MEIS2: variants seen among roughly 807,000 people sequenced by gnomAD.
The protein encoded by MEIS2 is homeobox protein Meis2.
In MEIS2, 9 loss-of-function variants were observed where a neutral mutation model predicts 58.6. The ratio of observed to expected loss-of-function variants is 0.15; its 90% CI spans 0.09 to 0.27. MEIS2 has a LOEUF of 0.27. Among genes scored for constraint, MEIS2 ranks in the 10% least tolerant of loss-of-function variants. MEIS2 has a pLI of 1.00. For synonymous variants in MEIS2, 221 were observed against 228.4 expected (o/e 0.97, Z 0.29); for missense variants, 427 against 635.0 (o/e 0.67, Z 3.52).
intron 7 of MEIS2, among the ~76,000 whole-genome samples, chr15:37,072,502 T>G (rs974057510): frequency 7.9e-5 from 12 of 152,250 alleles, no homozygotes; most frequent in Non-Finnish European, 1.5e-5. Context: ...AGCCTCTTTT[T>G]TTTCACCATG....
Position 36,976,371 on chromosome 15 carries a change from A to T in MEIS2, c.901-25971T>A, listed in dbSNP as rs543162037. The stretch of plus-strand genomic sequence containing the variant: ...AGTGCTGGGATTACAGGCGTGAGCC[A>T]CCGCGCCTGGCCTATAAAGAGATTT... On this transcript the variant is annotated intron_variant, in intron 8 of 11. Transcript: ENST00000561208. Among the ~76,000 whole-genome samples the T allele has an allele frequency of 1.6e-4, 25 of 152,046 alleles. No homozygotes were observed. The South Asian group carries it at 4.4e-3, about 26-fold the overall frequency.
rs2059509772 is a variant in MEIS2 at position 36,970,410 on chromosome 15, A to AT, written c.901-20011_901-20010insA. Among the ~76,000 whole-genome samples, 6 of 152,054 alleles carry AT rather than the reference A, an allele frequency of 3.9e-5. No homozygotes were observed. The South Asian group carries it at 1.2e-3, about 32-fold the overall frequency. ...CAGAGCAAGACTCCGTCTCAAAAAA[A>AT]AAAAAAAGTGCAAACATTTGTGTGT... On this transcript the variant is annotated intron_variant, in intron 8 of 11. Coordinates refer to ENST00000561208, the MANE Select transcript of MEIS2 (RefSeq NM_170675.5).
At chr15:37,098,425 A>G in intron 1 of MEIS2, 1 of 1,176,882 alleles carries the variant, frequency 8.5e-7, no homozygotes, top group South Asian at 3.6e-5. Flanking sequence ...AGAGAGAGAG[A>G]AAATAAAAAT....
chr15:36,914,672 TG>T (rs1415945091), intron 9 of MEIS2, among the ~76,000 whole-genome samples: 4 of 152,156 alleles, frequency 2.6e-5, no homozygotes, highest in African/African-American at 4.8e-5. Context: ...CTCTGGCTGA[TG>T]GGAATAGAAA....
At chr15:36,915,463 GTTTTATA>G (rs2141279591) in intron 9 of MEIS2, among the ~76,000 whole-genome samples, 1 of 152,258 alleles carries the variant, frequency 6.6e-6, no homozygotes, top group Admixed American at 6.5e-5. Flanking sequence ...ACTGATTTAT[GTTTTATA>G]TTTTGAAGGA....
At chr15:37,078,605 C>A (rs1376286375) in intron 7 of MEIS2, among the ~76,000 whole-genome samples, 22 of 69,384 alleles carry the variant, frequency 3.2e-4, no homozygotes, top group African/African-American at 1.1e-3. Flanking sequence ...AAAAAACAAC[C>A]AAAAAAAAAA....
At chr15:36,915,566 G>A (rs1318532888) in intron 9 of MEIS2, among the ~76,000 whole-genome samples, 2 of 152,238 alleles carry the variant, frequency 1.3e-5, no homozygotes, top group South Asian at 4.2e-4. Flanking sequence ...GCCTTGCCCT[G>A]CCCACCTATA....
chr15:37,000,362 G>T (rs1200877501), intron 8 of MEIS2, among the ~76,000 whole-genome samples: 1 of 151,988 alleles, frequency 6.6e-6, no homozygotes, highest in African/African-American at 2.4e-5. Flanking sequence ...AGGACTGGAG[G>T]TCTCTTTACC....
chr15:37,014,726 C>T (rs901002122), intron 8 of MEIS2, among the ~76,000 whole-genome samples: 23 of 152,232 alleles, frequency 1.5e-4, no homozygotes, highest in African/African-American at 5.3e-4. Flanking sequence ...CTTCAATTAT[C>T]GTCTCCAACT....
intron 8 of MEIS2, among the ~76,000 whole-genome samples, chr15:37,007,545 C>G (rs1227670018): frequency 6.6e-6 from 1 of 152,168 alleles, no homozygotes; most frequent in East Asian, 1.9e-4. Flanking sequence ...GGGGACATGA[C>G]TGAACCACTG....
chr15:37,099,615 GA>G lies in MEIS2; in HGVS notation c.-150del, dbSNP rs1054640467. 118 of 1,131,852 alleles carry G rather than the reference GA, an allele frequency of 1.0e-4. No individual in the cohort carries two copies. The highest frequency in any genetic ancestry group is 1.8e-4 in the South Asian group (10 of 55,374). 70.1% of individuals were successfully genotyped at this position (1,131,852 alleles called of 1,614,324 possible). On this transcript the variant is annotated 5_prime_UTR_variant, in exon 1 of 12. Coordinates refer to ENST00000561208, the MANE Select transcript of MEIS2 (RefSeq NM_170675.5). The stretch of plus-strand genomic sequence containing the variant: ...CTCCAATATGCTATTTTTTAGGGGG[GA>G]AAAAAAGCCCAGTCTAGACAACGAA...
At chr15:36,962,570 C>CT (rs202210329) in intron 8 of MEIS2, among the ~76,000 whole-genome samples, 2 of 151,206 alleles carry the variant, frequency 1.3e-5, no homozygotes, top group Admixed American at 6.6e-5. Context: ...TTTTTGTTGT[C>CT]TTTTTTTTCA....
chr15:37,049,535 G>A lies in MEIS2; in HGVS notation c.755-12576C>T, dbSNP rs371447636. ...AGAGTCTCACTCTGTCTCCCAGGCC[G>A]GAGTGTAGTGGCTCAATCTCGGCTC... On this transcript the variant is annotated intron_variant, in intron 7 of 11. Transcript: ENST00000561208. 2.8e-4 allele frequency among the ~76,000 whole-genome samples: 42 copies of A among 151,632 alleles called. No individual in the cohort carries two copies. The South Asian group carries it at 6.5e-3, about 23-fold the overall frequency.
intron 8 of MEIS2, among the ~76,000 whole-genome samples, chr15:37,007,538 G>C (rs1567173681): frequency 6.6e-6 from 1 of 152,244 alleles, no homozygotes; most frequent in Middle Eastern, 3.4e-3. Context: ...GGTCTCTGGG[G>C]ACATGACTGA....
intron 8 of MEIS2, among the ~76,000 whole-genome samples, chr15:36,983,589 G>A (rs185580657): frequency 3.6e-3 from 547 of 152,080 alleles, no homozygotes; most frequent in Non-Finnish European, 5.9e-3. Flanking sequence ...GGTGGCTCCA[G>A]CTTTGTTCTT....
chr15:37,061,073 G>C (rs1411139461), intron 7 of MEIS2, among the ~76,000 whole-genome samples: 1 of 152,152 alleles, frequency 6.6e-6, no homozygotes, highest in Non-Finnish European at 1.5e-5. Flanking sequence ...ATTTGTATCT[G>C]ATCCTCTTAG....
At chr15:36,971,489 G>A (rs2059555460) in intron 8 of MEIS2, among the ~76,000 whole-genome samples, 1 of 123,842 alleles carries the variant, frequency 8.1e-6, no homozygotes, top group Admixed American at 1.0e-4. Context: ...AACTTCAGAA[G>A]TTCTGGGGCC....
chr15:36,906,439 G>C (rs1471276435), intron 9 of MEIS2, among the ~76,000 whole-genome samples: 1 of 151,960 alleles, frequency 6.6e-6, no homozygotes, highest in African/African-American at 2.4e-5. Context: ...ATTAAACTTA[G>C]ATGAAAAAGG....
intron 8 of MEIS2, among the ~76,000 whole-genome samples, chr15:37,000,908 C>A (rs553027448): frequency 3.3e-5 from 5 of 152,120 alleles, no homozygotes; most frequent in Non-Finnish European, 5.9e-5. Flanking sequence ...CACTTCCGGA[C>A]CCCCCACTCT....
Sources: gnomAD v4.1 joint callset for allele counts (sites outside exome capture counted in the v4.1 genomes callset) on GRCh38, gnomAD v4.1.1 for gene constraint, MANE v1.5 for transcripts, NCBI Gene and HGNC (gene_info 2026-07-23, HGNC 2026-07-21) for gene names.